Variants in ZNF385B observed in about 807,000 individuals in gnomAD.
ZNF385B encodes zinc finger protein 533.
ZNF385B carries 23 observed loss-of-function variants against 39.2 expected under a neutral mutation model. That is an observed-to-expected ratio of 0.59 (90% confidence interval 0.42 to 0.83). The LOEUF (loss-of-function observed/expected upper bound fraction) is 0.83. ZNF385B is among the 40% of genes least tolerant of loss of function. ZNF385B has a pLI of 0.00. For synonymous variants in ZNF385B, 205 were observed against 222.6 expected (o/e 0.92, Z 0.70); for missense variants, 552 against 598.9 (o/e 0.92, Z 0.82).
At chr2:179,610,497 T>C (rs1180300042) in intron 3 of ZNF385B, among the ~76,000 whole-genome samples, 1 of 152,140 alleles carries the variant, frequency 6.6e-6, no homozygotes, top group Non-Finnish European at 1.5e-5. Context: ...GTGATTTCTC[T>C]AGTTTTGCTT....
chr2:179,602,227 A>T (rs1328567440), intron 3 of ZNF385B, among the ~76,000 whole-genome samples: 1 of 152,236 alleles, frequency 6.6e-6, no homozygotes, highest in African/African-American at 2.4e-5. Context: ...TTATAGGTTC[A>T]GTCTCATTAA....
chr2:179,590,476 C>T (rs929745524), intron 3 of ZNF385B, among the ~76,000 whole-genome samples: 1 of 152,114 alleles, frequency 6.6e-6, no homozygotes, highest in Non-Finnish European at 1.5e-5. Context: ...TAATTTGTGG[C>T]TTTATTTCTT....
intron 3 of ZNF385B, among the ~76,000 whole-genome samples, chr2:179,671,254 C>T (rs1575167932): frequency 6.6e-6 from 1 of 152,148 alleles, no homozygotes; most frequent in East Asian, 1.9e-4. Flanking sequence ...ATACTGAATT[C>T]CTGCATGTGA....
Position 179,545,674 on chromosome 2 carries a change from A to G in ZNF385B, c.299-705T>C, listed in dbSNP as rs1031040127. ...ACTTTTTATTTCTAATTTGTTTTGT[A>G]TTATTGTAGCAAATATCCTTTTTAG... On this transcript the variant is annotated intron_variant, in intron 3 of 9. Coordinates refer to ENST00000410066, the MANE Select transcript of ZNF385B (RefSeq NM_152520.6). Among the ~76,000 whole-genome samples the G allele has an allele frequency of 3.9e-5, 6 of 152,124 alleles. No homozygotes were observed. In the East Asian group the frequency reaches 1.2e-3, roughly 29 times the overall value.
chr2:179,710,900 T>C (rs185194289), intron 3 of ZNF385B, among the ~76,000 whole-genome samples: 1 of 152,236 alleles, frequency 6.6e-6, no homozygotes, highest in Non-Finnish European at 1.5e-5. Context: ...CTTAGTATAA[T>C]GACCCTCATC....
At chr2:179,721,405 A>G (rs1700691289) in intron 3 of ZNF385B, among the ~76,000 whole-genome samples, 1 of 152,164 alleles carries the variant, frequency 6.6e-6, no homozygotes, top group African/African-American at 2.4e-5. Flanking sequence ...TAATCTTTTA[A>G]GGAATAAATT....
intron 3 of ZNF385B, among the ~76,000 whole-genome samples, chr2:179,603,967 G>C (rs375872532): frequency 6.6e-6 from 1 of 152,062 alleles, no homozygotes; most frequent in Non-Finnish European, 1.5e-5. Flanking sequence ...ATACACAGAA[G>C]AATCTACTAA....
chr2:179,481,235 C>T (rs2053954954), intron 6 of ZNF385B: 1 of 152,118 alleles, frequency 6.6e-6, no homozygotes, highest in Admixed American at 6.6e-5. Context: ...GGAATGAAAG[C>T]CTTGAATCCT....
At chr2:179,584,240 TC>T (rs919987191) in intron 3 of ZNF385B, among the ~76,000 whole-genome samples, 5 of 152,054 alleles carry the variant, frequency 3.3e-5, no homozygotes, top group African/African-American at 1.2e-4. Flanking sequence ...GCCACTAGCA[TC>T]CTAACCCCTT....
At chr2:179,489,720 A>G (rs2054994010) in intron 5 of ZNF385B, among the ~76,000 whole-genome samples, 1 of 152,214 alleles carries the variant, frequency 6.6e-6, no homozygotes, top group South Asian at 2.1e-4. Context: ...AGCTATACCC[A>G]AGAGAAAGGC....
chr2:179,545,993 C>A (rs961260020), intron 3 of ZNF385B, among the ~76,000 whole-genome samples: 1 of 151,890 alleles, frequency 6.6e-6, no homozygotes, highest in Non-Finnish European at 1.5e-5. Flanking sequence ...TAGATCTTAT[C>A]CATTCTAACT....
intron 3 of ZNF385B, among the ~76,000 whole-genome samples, chr2:179,690,857 CA>C (rs1698302305): frequency 6.6e-6 from 1 of 152,152 alleles, no homozygotes; most frequent in African/African-American, 2.4e-5. Flanking sequence ...CCTTTTCTGC[CA>C]CAAGTCTCAG....
chr2:179,822,330 G>GTTAT (rs1358041739), intron 1 of ZNF385B, among the ~76,000 whole-genome samples: 1 of 152,154 alleles, frequency 6.6e-6, no homozygotes, highest in African/African-American at 2.4e-5. Flanking sequence ...AAAACTAGCT[G>GTTAT]TTATAAAAGG....
chr2:179,744,805 C>T (rs79076017), intron 3 of ZNF385B, among the ~76,000 whole-genome samples: 13,853 of 152,090 alleles, frequency 0.091, 710 homozygotes, highest in Non-Finnish European at 0.11. Context: ...TTAATAAGCA[C>T]AATGCTATTT....
intron 3 of ZNF385B, among the ~76,000 whole-genome samples, chr2:179,766,942 C>A (rs376553988): frequency 2.0e-5 from 3 of 152,132 alleles, no homozygotes; most frequent in African/African-American, 4.8e-5. Context: ...AAAAGCCCCC[C>A]GCAGTCCACT....
intron 1 of ZNF385B, among the ~76,000 whole-genome samples, chr2:179,790,281 C>T (rs1705248422): frequency 1.3e-5 from 2 of 152,206 alleles, no homozygotes; most frequent in African/African-American, 4.8e-5. Flanking sequence ...CTTCACCCTG[C>T]ACTACCACTC....
chr2:179,473,253 C>T (rs538133647), intron 6 of ZNF385B, among the ~76,000 whole-genome samples: 7 of 152,210 alleles, frequency 4.6e-5, no homozygotes, highest in African/African-American at 1.7e-4. Context: ...TGAAATGAAA[C>T]CACAAGTGCA....
chr2:179,507,534 G>A (rs1378874476), intron 5 of ZNF385B, among the ~76,000 whole-genome samples: 1 of 152,158 alleles, frequency 6.6e-6, no homozygotes, highest in Non-Finnish European at 1.5e-5. Context: ...TCTATCCCAT[G>A]TGCTGTCTCC....
chr2:179,551,089 G>A (rs2060536754), intron 3 of ZNF385B, among the ~76,000 whole-genome samples: 1 of 151,934 alleles, frequency 6.6e-6, no homozygotes, highest in East Asian at 1.9e-4. Context: ...CCTCCTATTT[G>A]TAGTTCTGTT....
Sources: allele counts gnomAD v4.1 joint callset (sites outside exome capture counted in the v4.1 genomes callset), GRCh38; gene constraint gnomAD v4.1.1; transcripts MANE v1.5; gene names NCBI Gene and HGNC (gene_info 2026-07-23, HGNC 2026-07-21).